TAFA5: variants seen among roughly 807,000 people sequenced by gnomAD.
The protein encoded by TAFA5 is chemokine-like protein TAFA-5.
TAFA5 carries 6 observed loss-of-function variants against 15.3 expected under a neutral mutation model. That is an observed-to-expected ratio of 0.39 (90% confidence interval 0.21 to 0.77). The LOEUF (loss-of-function observed/expected upper bound fraction) is 0.77, where lower values mean the gene tolerates loss of function less well. Ranked by LOEUF, TAFA5 falls within the 30% of genes least tolerant of loss-of-function variation. The probability of loss-of-function intolerance (pLI) is 0.41; values close to 1 mark genes in which losing one functional copy is unlikely to be tolerated. For missense variants in TAFA5, 161 were observed against 193.1 expected (o/e 0.83, Z 0.98); for synonymous variants, 103 against 80.7 (o/e 1.28, Z -1.48).
At position 48,682,796 on chromosome 22, in the gene TAFA5, G is replaced by T. The variant is rs116205050; in HGVS notation, c.263-24921G>T. Among the ~76,000 whole-genome samples, 650 of 152,248 alleles carry T rather than the reference G, an allele frequency of 4.3e-3. 6 individuals are homozygous for T. Among genetic ancestry groups the T allele is most frequent in the African/African-American group, 0.015 (619 of 41,550 alleles). Reference sequence around the variant, plus strand: ...GGGTGATCTGTGGCTTGGTGCTTTCGTCGGTTTTTTTTTGTGCGTGTGTTT... The same window carrying T: ...GGGTGATCTGTGGCTTGGTGCTTTCTTCGGTTTTTTTTTGTGCGTGTGTTT... On this transcript the variant is annotated intron_variant, in intron 2 of 3. Coordinates refer to ENST00000402357, the MANE Select transcript of TAFA5 (RefSeq NM_001082967.3).
intron 3 of TAFA5, among the ~76,000 whole-genome samples, chr22:48,737,300 C>T (rs1930056972): frequency 6.6e-6 from 1 of 152,230 alleles, no homozygotes; most frequent in Non-Finnish European, 1.5e-5. Flanking sequence ...CCTTGAGCTT[C>T]AGAAGCTACT....
intron 2 of TAFA5, among the ~76,000 whole-genome samples, chr22:48,670,176 G>GC (rs1422970057): frequency 2.0e-5 from 3 of 152,236 alleles, no homozygotes; most frequent in African/African-American, 7.2e-5. Flanking sequence ...GGCCCACACT[G>GC]CCCCTCATTC....
chr22:48,647,471 G>C (rs1056355796), intron 2 of TAFA5, among the ~76,000 whole-genome samples: 4 of 152,128 alleles, frequency 2.6e-5, no homozygotes, highest in African/African-American at 4.8e-5. Flanking sequence ...CATGGGGAGA[G>C]AGTGGGCTTG....
In TAFA5 at chr22:48,566,461, A is replaced by T. The variant is rs1923412487; in HGVS notation, c.112+76757A>T. Among the ~76,000 whole-genome samples the T allele has an allele frequency of 6.6e-6, 1 of 151,222 alleles. No individual in the cohort carries two copies. The highest frequency in any genetic ancestry group is 2.4e-5 in the African/African-American group (1 of 40,886). On this transcript the variant is annotated intron_variant, in intron 1 of 3. Transcript: ENST00000402357. This position sits in a 1 kb window ranked among gnomAD's most constrained non-coding sequence, Gnocchi z 4.5. Reference sequence around the variant, plus strand: ...TGATGAATGATTGATTGATGGAGGGATGGATGTTGGATGGGTGGATGACAG... The same window carrying T: ...TGATGAATGATTGATTGATGGAGGGTTGGATGTTGGATGGGTGGATGACAG...
At chr22:48,746,959 C>T (rs952127647) in intron 3 of TAFA5, among the ~76,000 whole-genome samples, 2 of 152,188 alleles carry the variant, frequency 1.3e-5, no homozygotes, top group African/African-American at 4.8e-5. Flanking sequence ...GCCAGCACCT[C>T]CCTTCCAGTA....
chr22:48,729,975 C>T (rs1045279083), intron 3 of TAFA5, among the ~76,000 whole-genome samples: 1 of 152,094 alleles, frequency 6.6e-6, no homozygotes. Flanking sequence ...GGGCAGCAGC[C>T]GCCTCTGGGG....
chr22:48,532,352 G>A (rs1254080580), intron 1 of TAFA5, among the ~76,000 whole-genome samples: 1 of 152,170 alleles, frequency 6.6e-6, no homozygotes, highest in East Asian at 1.9e-4. Flanking sequence ...CTGACAGCTC[G>A]GATCTTTCCG....
At chr22:48,563,510 T>C (rs1601581840) in intron 1 of TAFA5, among the ~76,000 whole-genome samples, 1 of 152,294 alleles carries the variant, frequency 6.6e-6, no homozygotes, top group East Asian at 1.9e-4. Context: ...TCCTCTTGTC[T>C]CTATATGGGA....
At chr22:48,518,073 A>C (rs933181539) in intron 1 of TAFA5, among the ~76,000 whole-genome samples, 1 of 152,168 alleles carries the variant, frequency 6.6e-6, no homozygotes, top group Non-Finnish European at 1.5e-5. Flanking sequence ...GACTTCAAGG[A>C]AGAATCCCCC....
chr22:48,660,251 C>T (rs766241351), intron 2 of TAFA5, among the ~76,000 whole-genome samples: 13 of 152,186 alleles, frequency 8.5e-5, no homozygotes, highest in East Asian at 1.9e-4. Flanking sequence ...TGTTTGCTGA[C>T]GATGGTTGGA....
chr22:48,555,098 T>C (rs1307941689), intron 1 of TAFA5, among the ~76,000 whole-genome samples: 2 of 152,204 alleles, frequency 1.3e-5, no homozygotes, highest in Non-Finnish European at 2.9e-5. Context: ...CACCCAGTCC[T>C]GGACACCTGT....
chr22:48,542,961 G>A (rs1328812408), intron 1 of TAFA5, among the ~76,000 whole-genome samples: 2 of 151,296 alleles, frequency 1.3e-5, no homozygotes, highest in South Asian at 2.1e-4. Flanking sequence ...GGTGTGTGTC[G>A]TGTGTGGTGT....
rs1922875636 is a variant in TAFA5 at position 48,552,055 on chromosome 22, C to T, written c.112+62351C>T. The stretch of plus-strand genomic sequence containing the variant: ...TGACTGTCCTCCCGGCAGGAAGCGT[C>T]CTCCAGTGCTCCCTCTGCTGTGCTC... On this transcript the variant is annotated intron_variant, in intron 1 of 3. Coordinates refer to ENST00000402357, the MANE Select transcript of TAFA5 (RefSeq NM_001082967.3). This position sits in a 1 kb window ranked among gnomAD's most constrained non-coding sequence, Gnocchi z 4.1. Among the ~76,000 whole-genome samples, 1 of 152,254 alleles carries T rather than the reference C, an allele frequency of 6.6e-6. No homozygotes were observed. The highest frequency in any genetic ancestry group is 6.5e-5 in the Admixed American group (1 of 15,286).
chr22:48,661,789 A>G (rs1349152665), intron 2 of TAFA5, among the ~76,000 whole-genome samples: 2 of 152,180 alleles, frequency 1.3e-5, no homozygotes, highest in Non-Finnish European at 2.9e-5. Context: ...ATAAAAGACA[A>G]ATACACAAGT....
At chr22:48,707,690 T>G (rs371978305) in intron 2 of TAFA5, 27 bp from the exon 3 acceptor site, 1 of 1,612,546 alleles carries the variant, frequency 6.2e-7, no homozygotes, top group African/African-American at 1.3e-5. Flanking sequence ...AGTAGCACGC[T>G]GATTGCCTCT....
At chr22:48,725,807 A>G (rs1197745236) in intron 3 of TAFA5, among the ~76,000 whole-genome samples, 1 of 152,136 alleles carries the variant, frequency 6.6e-6, no homozygotes, top group East Asian at 1.9e-4. Context: ...ATGAATATCT[A>G]ACTGAAGAGT....
At chr22:48,546,331 A>T (rs1256853757) in intron 1 of TAFA5, among the ~76,000 whole-genome samples, 3 of 152,194 alleles carry the variant, frequency 2.0e-5, no homozygotes. Context: ...GTCCCAGGGC[A>T]AGGTGGCCTG....
intron 1 of TAFA5, chr22:48,576,318 C>A: frequency 2.0e-6 from 2 of 1,003,664 alleles, no homozygotes; most frequent in Non-Finnish European, 2.4e-6. Context: ...AGACACAAAT[C>A]GCCTCCCGGA....
intron 1 of TAFA5, among the ~76,000 whole-genome samples, chr22:48,492,080 CATA>C (rs1170511530): frequency 1.3e-5 from 2 of 151,766 alleles, no homozygotes; most frequent in African/African-American, 4.8e-5. Flanking sequence ...ACAAAATAGA[CATA>C]ATAATAATTT....
Sources: gnomAD v4.1 joint callset for allele counts (sites outside exome capture counted in the v4.1 genomes callset) on GRCh38, gnomAD v4.1.1 for gene constraint, Gnocchi (gnomAD v3.1) non-coding constraint, MANE v1.5 for transcripts, NCBI Gene and HGNC (gene_info 2026-07-23, HGNC 2026-07-21) for gene names.